Variants in OLFM1 observed in about 807,000 individuals in gnomAD.
The protein encoded by OLFM1 is olfactomedin 1, also known as noelin.
OLFM1 carries 9 observed loss-of-function variants against 49.7 expected under a neutral mutation model. The ratio of observed to expected loss-of-function variants is 0.18; its 90% confidence interval spans 0.11 to 0.32. The LOEUF (loss-of-function observed/expected upper bound fraction) is 0.32, where lower values mean the gene tolerates loss of function less well. Ranked by LOEUF, OLFM1 falls within the 10% of genes least tolerant of loss-of-function variation. The pLI, the probability that OLFM1 is intolerant of heterozygous loss-of-function variation, is 1.00. For synonymous variants in OLFM1, 240 were observed against 271.8 expected, an observed-to-expected ratio of 0.88 and a Z score of 1.15; for missense variants, 369 against 661.8, an observed-to-expected ratio of 0.56 and a Z score of 4.85.
At position 135,088,761 on chromosome 9, in the gene OLFM1, T is replaced by C. The variant is rs992299463; in HGVS notation, c.150+622T>C. Among the ~76,000 whole-genome samples the C allele has an allele frequency of 2.0e-5, 3 of 152,124 alleles. No individual in the cohort carries two copies. Among genetic ancestry groups the C allele is most frequent in the Non-Finnish European group, 4.4e-5 (3 of 68,014 alleles). On this transcript the variant is annotated intron_variant, in intron 1 of 5. Coordinates refer to ENST00000371793, the MANE Select transcript of OLFM1 (RefSeq NM_001282611.2). The surrounding 1 kb of genome is among the most constrained non-coding windows in gnomAD (Gnocchi z 4.8). Reference sequence around the variant, plus strand: ...TCCTCCGAGGACGGTGCCGAGGGGCTTGGGTGGGGCCCCTGGGAGCCTGCC... The same window carrying C: ...TCCTCCGAGGACGGTGCCGAGGGGCCTGGGTGGGGCCCCTGGGAGCCTGCC...
intron 2 of OLFM1, among the ~76,000 whole-genome samples, chr9:135,091,608 G>A (rs1013008119): frequency 1.1e-5 from 1 of 87,222 alleles, no homozygotes; most frequent in Non-Finnish European, 2.3e-5. Context: ...CTCACACATA[G>A]TCACACAGTC....
intron 1 of OLFM1, among the ~76,000 whole-genome samples, chr9:135,081,892 T>C (rs958067021): frequency 1.3e-5 from 2 of 152,202 alleles, no homozygotes; most frequent in Non-Finnish European, 2.9e-5. Flanking sequence ...ACCCCCTTTG[T>C]TGCACCTGGC....
At chr9:135,106,983 G>T in intron 5 of OLFM1, 128 bp downstream of exon 5, 1 of 706,700 alleles carries the variant, frequency 1.4e-6, no homozygotes, top group Non-Finnish European at 2.3e-6. Flanking sequence ...CTTGGTGCCT[G>T]GGGGCGTTTG....
At chr9:135,101,959 C>T (rs1305481717) in intron 4 of OLFM1, among the ~76,000 whole-genome samples, 1 of 151,904 alleles carries the variant, frequency 6.6e-6, no homozygotes, top group Non-Finnish European at 1.5e-5. Flanking sequence ...CTTTTTTTTC[C>T]CAAAGCCTGG....
chr9:135,105,498 G>A (rs1167738994), intron 4 of OLFM1: 2 of 152,272 alleles, frequency 1.3e-5, no homozygotes, highest in Non-Finnish European at 2.9e-5. Context: ...CTTCCAGTTG[G>A]GAGAGAGTGG....
At chr9:135,091,632 T>TAGTCACACACACATAGTCACACACAC in intron 2 of OLFM1, among the ~76,000 whole-genome samples, 1 of 11,456 alleles carries the variant, frequency 8.7e-5, no homozygotes, top group Admixed American at 8.8e-4. Flanking sequence ...CACACTCACA[T>TAGTCACACACACATAGTCACACACAC]AGTCACACAC....
chr9:135,078,340 G>T (rs1035796591), intron 1 of OLFM1, among the ~76,000 whole-genome samples: 1 of 152,166 alleles, frequency 6.6e-6, no homozygotes, highest in African/African-American at 2.4e-5. Flanking sequence ...AGCATACGTC[G>T]ACATAAGAAG....
At chr9:135,091,789 A>G (rs1156647249) in intron 2 of OLFM1, among the ~76,000 whole-genome samples, 1 of 136,524 alleles carries the variant, frequency 7.3e-6, no homozygotes, top group East Asian at 2.0e-4. Context: ...ACTCACACAT[A>G]GTCACACAGT....
chr9:135,120,220 A>C lies in OLFM1; in HGVS notation c.*42A>C. ...GCCAAGGGCCCACGTCCTCACCACA[A>C]AGGGACTCCTGTGAAACTGCTGCCA... On this transcript the variant is annotated 3_prime_UTR_variant, in exon 6 of 6. Coordinates refer to ENST00000371793, the MANE Select transcript of OLFM1 (RefSeq NM_001282611.2). 1 of 1,518,262 alleles carries C rather than the reference A, an allele frequency of 6.6e-7. No individual in the cohort carries two copies. The highest frequency in any genetic ancestry group is 8.9e-7 in the Non-Finnish European group (1 of 1,122,520). The allele number at this position is 1,518,262 out of a possible 1,614,324, so 94.0% of individuals were successfully genotyped here.
chr9:135,091,674 C>CACAT (rs879648450), intron 2 of OLFM1, among the ~76,000 whole-genome samples: 24,318 of 39,140 alleles, frequency 0.62, 5,720 homozygotes, highest in East Asian at 0.73. Flanking sequence ...CAGTCACACA[C>CACAT]TCACACATAG....
At chr9:135,076,682 G>A (rs530347255) in intron 1 of OLFM1, 401 of 1,343,758 alleles carry the variant, frequency 3.0e-4, no homozygotes, top group Non-Finnish European at 3.8e-4. Context: ...ACTGTGCCAC[G>A]CTCTGAACTG....
Position 135,088,190 on chromosome 9 carries a change from T to TCCC in OLFM1, c.150+54_150+56dup. The TCCC allele has an allele frequency of 1.6e-6, 2 of 1,237,150 alleles. No homozygotes were observed. Among genetic ancestry groups the TCCC allele is most frequent in the South Asian group, 5.9e-5 (2 of 33,770 alleles). The allele number at this position is 1,237,150 out of a possible 1,614,324, so 76.6% of individuals were successfully genotyped here. Reference sequence around the variant, plus strand: ...GCGCGGCTCCTCCTCCTCCTCCTCCTCCCCCTCCTCGGTCCGGAGCCCCGG... The same window carrying TCCC: ...GCGCGGCTCCTCCTCCTCCTCCTCCTCCCCCCCCTCCTCGGTCCGGAGCCCCGG... On this transcript the variant is annotated intron_variant, in intron 1 of 5. Transcript: ENST00000371793. This position sits in a 1 kb window ranked among gnomAD's most constrained non-coding sequence, Gnocchi z 4.8.
intron 2 of OLFM1, 134 bp from the exon 3 acceptor site, chr9:135,095,729 TA>T: frequency 1.1e-6 from 1 of 880,720 alleles, no homozygotes; most frequent in Non-Finnish European, 1.8e-6. Context: ...GATTACCTTG[TA>T]AATAATGCAT....
rs958683861 is a variant in OLFM1 at position 135,098,984 on chromosome 9, C to G, written c.676+479C>G. 6.6e-6 allele frequency among the ~76,000 whole-genome samples: 1 copy of G among 152,164 alleles called. No individual in the cohort carries two copies. The highest frequency in any genetic ancestry group is 1.5e-5 in the Non-Finnish European group (1 of 68,034). On this transcript the variant is annotated intron_variant, in intron 4 of 5. Coordinates refer to ENST00000371793, the MANE Select transcript of OLFM1 (RefSeq NM_001282611.2). The surrounding 1 kb of genome is among the most constrained non-coding windows in gnomAD (Gnocchi z 5.6). ...CTGCCATTCACAGCACGGGAGGGAG[C>G]CCCTGCTCACAGCCTGGAAGGGGAG...
chr9:135,076,967 AG>A, intron 1 of OLFM1: 1 of 1,550,574 alleles, frequency 6.4e-7, no homozygotes, highest in Non-Finnish European at 8.7e-7. Flanking sequence ...ATCCCAATCC[AG>A]CAGTGGGGTT....
chr9:135,077,281 A>C, intron 1 of OLFM1: 5 of 1,446,610 alleles, frequency 3.5e-6, no homozygotes, highest in Non-Finnish European at 4.6e-6. Flanking sequence ...CTTGGCAAAG[A>C]GATGGCTGAT....
chr9:135,085,940 T>C (rs1439391165), upstream of OLFM1, among the ~76,000 whole-genome samples: 11 of 152,244 alleles, frequency 7.2e-5, no homozygotes, highest in African/African-American at 2.7e-4. Context: ...GCAGTCCAAG[T>C]GCAGGTTAAT....
chr9:135,111,339 G>A (rs768730829), intron 5 of OLFM1, among the ~76,000 whole-genome samples: 8 of 152,206 alleles, frequency 5.3e-5, no homozygotes, highest in African/African-American at 1.7e-4. Flanking sequence ...CTGTGTCGTC[G>A]AATTAGAGTG....
chr9:135,079,305 A>G (rs1200010332), intron 1 of OLFM1, among the ~76,000 whole-genome samples: 1 of 152,178 alleles, frequency 6.6e-6, no homozygotes, highest in African/African-American at 2.4e-5. Context: ...ACCTGGGTCC[A>G]CTAGTGAGCC....
Sources: allele counts gnomAD v4.1 joint callset (sites outside exome capture counted in the v4.1 genomes callset), GRCh38; gene constraint gnomAD v4.1.1; non-coding constraint Gnocchi (gnomAD v3.1); transcripts MANE v1.5; gene names NCBI Gene and HGNC (gene_info 2026-07-23, HGNC 2026-07-21).